The following ATP2B4 variants were observed in gnomAD, a reference collection of about 807,000 sequenced individuals.
The protein encoded by ATP2B4 is plasma membrane calcium-transporting ATPase 4.
Under a neutral mutation model 110.3 loss-of-function variants are expected in ATP2B4, and 39 were observed. The ratio of observed to expected loss-of-function variants is 0.35; its 90% CI spans 0.27 to 0.46. ATP2B4 has a LOEUF of 0.46. Ranked by LOEUF, ATP2B4 falls within the 20% of genes least tolerant of loss-of-function variation. The pLI is 1.00. For missense variants in ATP2B4, 1,135 were observed against 1,530.9 expected, an observed-to-expected ratio of 0.74 and a Z score of 4.32; for synonymous variants, 538 against 571.7, an observed-to-expected ratio of 0.94 and a Z score of 0.84.
At chr1:203,654,840 T>C (rs1246240716) in intron 1 of ATP2B4, among the ~76,000 whole-genome samples, 5 of 151,290 alleles carry the variant, frequency 3.3e-5, no homozygotes, top group African/African-American at 1.2e-4. Context: ...TGAGCCATGA[T>C]TGTGCCACTG....
intron 2 of ATP2B4, among the ~76,000 whole-genome samples, chr1:203,697,166 G>A (rs150359778): frequency 1.6e-4 from 24 of 152,306 alleles, no homozygotes; most frequent in African/African-American, 4.6e-4. Flanking sequence ...GCACACAGGT[G>A]TGTATATGTG....
At chr1:203,731,472 T>A (rs1666710410) in intron 20 of ATP2B4, among the ~76,000 whole-genome samples, 1 of 152,154 alleles carries the variant, frequency 6.6e-6, no homozygotes, top group Non-Finnish European at 1.5e-5. Context: ...TAAAGGGAAT[T>A]CCTTTTGATT....
chr1:203,668,593 G>T (rs891791611), intron 1 of ATP2B4, among the ~76,000 whole-genome samples: 1 of 152,172 alleles, frequency 6.6e-6, no homozygotes, highest in African/African-American at 2.4e-5. Context: ...AGATGGACTG[G>T]GGAGAATGCA....
intron 2 of ATP2B4, among the ~76,000 whole-genome samples, chr1:203,697,057 T>C (rs1439879922): frequency 6.6e-6 from 1 of 152,232 alleles, no homozygotes; most frequent in African/African-American, 2.4e-5. Flanking sequence ...TGAGTAGTAG[T>C]ACTTCCCTTA....
intron 1 of ATP2B4, among the ~76,000 whole-genome samples, chr1:203,632,523 T>G (rs1161600602): frequency 1.3e-5 from 2 of 151,788 alleles, no homozygotes; most frequent in Non-Finnish European, 2.9e-5. Context: ...TTTTGTATTT[T>G]TAGTAGAGAC....
intron 1 of ATP2B4, among the ~76,000 whole-genome samples, chr1:203,656,215 C>T (rs957672410): frequency 2.0e-5 from 3 of 152,168 alleles, no homozygotes; most frequent in Admixed American, 6.5e-5. Flanking sequence ...TAAGTTTCTC[C>T]TCAGAGAATC....
At chr1:203,648,139 G>A (rs1170979854) in intron 1 of ATP2B4, among the ~76,000 whole-genome samples, 2 of 152,280 alleles carry the variant, frequency 1.3e-5, no homozygotes, top group Middle Eastern at 3.4e-3. Flanking sequence ...GGAGAGGCTG[G>A]CTCCTGCTGG....
chr1:203,737,682 T>G (rs984187634), intron 20 of ATP2B4, among the ~76,000 whole-genome samples: 1 of 152,156 alleles, frequency 6.6e-6, no homozygotes, highest in Non-Finnish European at 1.5e-5. Context: ...ATAATAAAAA[T>G]GTGGTCCTCG....
In ATP2B4 at chr1:203,700,804, A is replaced by G; in HGVS notation, c.782A>G (p.His261Arg). ...CTTCTCCTTTCCCGTGTAGGGACCC[A>G]TGTCATGGAAGGTTCTGGCCGGATG... ...DKDPMLLSGT[H>R]VMEGSGRMVV... The change falls in exon 6 of 21, where the codon CAT becomes CGT. Residue 261 changes from histidine to arginine, a missense_variant. This residue lies in a region of ATP2B4 where 162 missense variants were observed against 210.5 expected (regional missense o/e 0.77). Coordinates refer to ENST00000357681, the MANE Select transcript of ATP2B4 (RefSeq NM_001684.5). 3 of 1,613,428 alleles carry G rather than the reference A, an allele frequency of 1.9e-6. No homozygotes were observed. Among genetic ancestry groups the G allele is most frequent in the South Asian group, 2.2e-5 (2 of 91,050 alleles).
At chr1:203,711,760 A>G (rs1666014382) in intron 12 of ATP2B4, among the ~76,000 whole-genome samples, 200 bp from the exon 13 acceptor site, 1 of 152,196 alleles carries the variant, frequency 6.6e-6, no homozygotes, top group African/African-American at 2.4e-5. Context: ...AATAGGGCAA[A>G]TTCAAATGTG....
intron 2 of ATP2B4, among the ~76,000 whole-genome samples, chr1:203,690,479 C>G (rs986680488): frequency 6.6e-6 from 1 of 152,170 alleles, no homozygotes; most frequent in Admixed American, 6.5e-5. Context: ...GACCGCTGCT[C>G]TAAAGCACGG....
At chr1:203,687,190 G>A (rs1183683002) in intron 2 of ATP2B4, among the ~76,000 whole-genome samples, 1 of 150,208 alleles carries the variant, frequency 6.7e-6, no homozygotes, top group Non-Finnish European at 1.5e-5. Context: ...TTAGTCCCCA[G>A]TACCAACAGT....
At chr1:203,653,094 C>T (rs1364011613) in intron 1 of ATP2B4, among the ~76,000 whole-genome samples, 2 of 152,246 alleles carry the variant, frequency 1.3e-5, no homozygotes, top group African/African-American at 4.8e-5. Context: ...AAAAGTGCTA[C>T]TCCAGTTAAC....
chr1:203,680,621 A>AAGAAAAGAAG (rs1553247024), intron 1 of ATP2B4, among the ~76,000 whole-genome samples: 1 of 145,198 alleles, frequency 6.9e-6, no homozygotes, highest in East Asian at 2.0e-4. Flanking sequence ...AAAAAAAAGA[A>AAGAAAAGAAG]AAAAAAGATC....
At chr1:203,643,902 T>C (rs1414009324) in intron 1 of ATP2B4, among the ~76,000 whole-genome samples, 3 of 152,226 alleles carry the variant, frequency 2.0e-5, no homozygotes, top group Non-Finnish European at 4.4e-5. Flanking sequence ...TAGTCATTCC[T>C]ATATACTCGG....
chr1:203,660,709 G>A (rs1664312429), intron 1 of ATP2B4, among the ~76,000 whole-genome samples: 1 of 152,130 alleles, frequency 6.6e-6, no homozygotes, highest in Admixed American at 6.5e-5. Flanking sequence ...TGAGGCAGGA[G>A]AATTGCTTGA....
intron 19 of ATP2B4, among the ~76,000 whole-genome samples, chr1:203,726,687 T>C (rs1666530030): frequency 1.3e-5 from 2 of 152,182 alleles, no homozygotes; most frequent in Admixed American, 1.3e-4. Flanking sequence ...ACATGAGCCC[T>C]GGCTACTCCT....
At chr1:203,703,914 G>GGGGATAAAAGTGATGAGGATCCAAGA in intron 8 of ATP2B4, 101 bp downstream of exon 8, 1 of 1,430,700 alleles carries the variant, frequency 7.0e-7, no homozygotes, top group Non-Finnish European at 9.3e-7. Flanking sequence ...GCAGAAAGAA[G>GGGGATAAAAGTGATGAGGATCCAAGA]CTGAAACTTC....
intron 20 of ATP2B4, among the ~76,000 whole-genome samples, chr1:203,737,801 G>A (rs922833749): frequency 2.6e-5 from 4 of 152,152 alleles, no homozygotes. Context: ...TCTGAGCTTT[G>A]AGCACCCTCA....
Sources: gnomAD v4.1 joint callset for allele counts (sites outside exome capture counted in the v4.1 genomes callset) on GRCh38, gnomAD v4.1.1 for gene constraint, gnomAD v4.1.1 regional missense constraint, MANE v1.5 for transcripts, NCBI Gene and HGNC (gene_info 2026-07-23, HGNC 2026-07-21) for gene names.